MYLK: variants seen among roughly 807,000 people sequenced by gnomAD.
MYLK encodes the protein myosin light chain kinase.
Under a neutral mutation model 203.4 loss-of-function variants are expected in MYLK, and 106 were observed. That is an observed-to-expected ratio of 0.52 (90% CI 0.45 to 0.61). The LOEUF is 0.61. Ranked by LOEUF, MYLK falls within the 20% of genes least tolerant of loss-of-function variation. The pLI is 0.00. For synonymous variants in MYLK, 867 were observed against 959.5 expected (o/e 0.90, Z 1.78); for missense variants, 2,072 against 2,442.3 (o/e 0.85, Z 3.20).
At chr3:123,789,200 C>T (rs1398668206) in intron 4 of MYLK, among the ~76,000 whole-genome samples, 1 of 151,900 alleles carries the variant, frequency 6.6e-6, no homozygotes, top group African/African-American at 2.4e-5. Flanking sequence ...CAGACAGTGG[C>T]GCAGTCCTGT....
intron 13 of MYLK, among the ~76,000 whole-genome samples, chr3:123,713,216 G>A (rs1012535835): frequency 5.3e-5 from 8 of 152,142 alleles, no homozygotes; most frequent in African/African-American, 1.9e-4. Flanking sequence ...AAGGGAAGAT[G>A]GAAATGATTG....
intron 4 of MYLK, among the ~76,000 whole-genome samples, chr3:123,766,064 G>A (rs1344529593): frequency 6.6e-6 from 1 of 152,052 alleles, no homozygotes; most frequent in Non-Finnish European, 1.5e-5. Flanking sequence ...TGGTTAAAGT[G>A]GTAAATTTCA....
At chr3:123,670,034 CAAAAAAAAAAAA>C (rs57445681) in intron 20 of MYLK, among the ~76,000 whole-genome samples, 1 of 37,064 alleles carries the variant, frequency 2.7e-5, no homozygotes, top group Non-Finnish European at 6.1e-5. Context: ...GACTCCATCT[CAAAAAAAAAAAA>C]AAAAAAAAAA....
rs369955503 is a variant in MYLK at position 123,707,807 on chromosome 3, C to T, written c.2337G>A (p.Leu779=). 1 of 1,614,216 alleles carries T rather than the reference C, an allele frequency of 6.2e-7. No individual in the cohort carries two copies. The highest frequency in any genetic ancestry group is 1.3e-5 in the African/African-American group (1 of 75,046). ...GCCAGGGCTGCACCTTCTTTAGAAC[C>T]AGGGTGAACACGTCCTCATTCTGAA... ...EVLQNEDVFT[L]VLKKVQPWHA... The change falls in exon 16 of 34, where the codon CTG becomes CTA. Residue 779 remains leucine (L), a synonymous_variant. Coordinates refer to ENST00000360304, the MANE Select transcript of MYLK (RefSeq NM_053025.4).
At chr3:123,776,606 G>A (rs1194074476) in intron 4 of MYLK, among the ~76,000 whole-genome samples, 1 of 152,120 alleles carries the variant, frequency 6.6e-6, no homozygotes, top group Non-Finnish European at 1.5e-5. Flanking sequence ...TTAAAATTAT[G>A]GTGACAGAGT....
At chr3:123,661,503 A>C (rs538345213) in intron 23 of MYLK, among the ~76,000 whole-genome samples, 1 of 152,204 alleles carries the variant, frequency 6.6e-6, no homozygotes, top group Non-Finnish European at 1.5e-5. Flanking sequence ...AAAGAGACAG[A>C]GTGAGAAAAG....
rs755248772 is a variant in MYLK at position 123,657,201 on chromosome 3, G to C, written c.4213C>G (p.Arg1405Gly). ...LPDHEYKFRV[R>G]AINVYGTSEP... Reference sequence around the variant, plus strand: ...CTGGTTCCATACACGTTGATTGCACGTACACGGAACTTATATTCGTGGTCA... The same window carrying C: ...CTGGTTCCATACACGTTGATTGCACCTACACGGAACTTATATTCGTGGTCA... The change falls in exon 24 of 34, where the codon CGT becomes GGT. Residue 1405 changes from arginine (R) to glycine (G), a missense_variant. This residue lies in a region of MYLK where 524 missense variants were observed against 782.4 expected (regional missense o/e 0.67). Coordinates refer to ENST00000360304, the MANE Select transcript of MYLK (RefSeq NM_053025.4). The C allele has an allele frequency of 1.2e-6, 2 of 1,614,162 alleles. No individual in the cohort carries two copies. The highest frequency in any genetic ancestry group is 1.7e-5 in the Admixed American group (1 of 60,020).
At chr3:123,627,628 G>C (rs537658387) in intron 30 of MYLK, among the ~76,000 whole-genome samples, 1 of 152,256 alleles carries the variant, frequency 6.6e-6, no homozygotes, top group African/African-American at 2.4e-5. Context: ...AAAATGACTG[G>C]AAAGAAGTAT....
intron 13 of MYLK, among the ~76,000 whole-genome samples, chr3:123,713,732 G>A (rs2061794135): frequency 6.6e-6 from 1 of 151,722 alleles, no homozygotes; most frequent in Non-Finnish European, 1.5e-5. Flanking sequence ...AGTAAAATAC[G>A]AAAGGACAGA....
chr3:123,771,675 C>A (rs992879447), intron 4 of MYLK, among the ~76,000 whole-genome samples: 22 of 152,152 alleles, frequency 1.4e-4, no homozygotes, highest in African/African-American at 5.3e-4. Flanking sequence ...ATAAGCTCAT[C>A]CTAAGTTGAA....
chr3:123,836,078 C>T (rs1415227170), intron 2 of MYLK: 2 of 152,170 alleles, frequency 1.3e-5, no homozygotes, highest in African/African-American at 2.4e-5. Context: ...TAAAAATGAA[C>T]GTTTCCTTTG....
chr3:123,676,856 C>T (rs929092242), intron 20 of MYLK, among the ~76,000 whole-genome samples: 4 of 152,228 alleles, frequency 2.6e-5, no homozygotes, highest in African/African-American at 4.8e-5. Context: ...CATGGATGTC[C>T]GTTTATATCT....
intron 2 of MYLK, among the ~76,000 whole-genome samples, chr3:123,874,344 A>G (rs1320460135): frequency 6.6e-6 from 1 of 152,196 alleles, no homozygotes; most frequent in Non-Finnish European, 1.5e-5. Context: ...CCACACATAC[A>G]TGCTCAACTG....
chr3:123,764,739 G>T (rs1229426263), intron 4 of MYLK, among the ~76,000 whole-genome samples: 1 of 152,204 alleles, frequency 6.6e-6, no homozygotes, highest in East Asian at 1.9e-4. Context: ...ATGGACTACA[G>T]CGGGGAACCG....
At chr3:123,856,640 T>C (rs1342674359) in intron 2 of MYLK, among the ~76,000 whole-genome samples, 3 of 152,196 alleles carry the variant, frequency 2.0e-5, no homozygotes, top group Non-Finnish European at 2.9e-5. Flanking sequence ...TTTTTCAATA[T>C]AGGAAACAGG....
intron 3 of MYLK, among the ~76,000 whole-genome samples, chr3:123,803,351 A>G (rs2065261472): frequency 6.6e-6 from 1 of 152,210 alleles, no homozygotes; most frequent in African/African-American, 2.4e-5. Flanking sequence ...GGCTCAGAGA[A>G]TAAAAGCAAC....
Position 123,862,630 on chromosome 3 carries a change from C to T in MYLK, c.-127+13929G>A, listed in dbSNP as rs76478737. Among the ~76,000 whole-genome samples the T allele has an allele frequency of 2.6e-5, 4 of 152,292 alleles. No homozygotes were observed. The East Asian group carries it at 7.7e-4, about 29-fold the overall frequency. ...GGCTTTATGACTCTTGCTCATGTCACCCTTACTACCTAAATTCAAAAGATT... is the reference window on the plus strand; with the variant it reads ...GGCTTTATGACTCTTGCTCATGTCATCCTTACTACCTAAATTCAAAAGATT... On this transcript the variant is annotated intron_variant, in intron 2 of 33. Coordinates refer to ENST00000360304, the MANE Select transcript of MYLK (RefSeq NM_053025.4).
intron 20 of MYLK, among the ~76,000 whole-genome samples, chr3:123,679,988 G>A (rs1334807730): frequency 1.3e-5 from 2 of 152,154 alleles, no homozygotes; most frequent in African/African-American, 4.8e-5. Flanking sequence ...CACATGACGT[G>A]ACCTGGAGCT....
At chr3:123,631,332 A>G (rs1457696823) in intron 29 of MYLK, among the ~76,000 whole-genome samples, 1 of 149,520 alleles carries the variant, frequency 6.7e-6, no homozygotes, top group African/African-American at 2.5e-5. Flanking sequence ...CTGGAGGTGG[A>G]GGTTGCAGTG....
Sources: allele counts gnomAD v4.1 joint callset (sites outside exome capture counted in the v4.1 genomes callset), GRCh38; gene constraint gnomAD v4.1.1; regional missense constraint gnomAD v4.1.1; transcripts MANE v1.5; gene names NCBI Gene and HGNC (gene_info 2026-07-23, HGNC 2026-07-21).